The following SKAP2 variants were observed in gnomAD, a reference collection of about 807,000 sequenced individuals.
The protein encoded by SKAP2 is src kinase associated phosphoprotein 2.
SKAP2 carries 28 observed loss-of-function variants against 54.9 expected under a neutral mutation model. The ratio of observed to expected loss-of-function variants is 0.51; its 90% CI spans 0.38 to 0.70. The LOEUF is 0.70. Among genes scored for constraint, SKAP2 ranks in the 30% least tolerant of loss-of-function variants. The pLI is 0.00. For missense variants in SKAP2, 356 were observed against 424.1 expected, an observed-to-expected ratio of 0.84 and a Z score of 1.41; for synonymous variants, 137 against 134.3, an observed-to-expected ratio of 1.02 and a Z score of -0.14.
At chr7:26,705,794 C>T (rs773047952) in intron 9 of SKAP2, among the ~76,000 whole-genome samples, 2 of 152,156 alleles carry the variant, frequency 1.3e-5, no homozygotes, top group South Asian at 2.1e-4. Flanking sequence ...CAACTGACAA[C>T]GTACACTCAT....
At chr7:26,750,115 C>T (rs551506543) in intron 4 of SKAP2, among the ~76,000 whole-genome samples, 1 of 151,996 alleles carries the variant, frequency 6.6e-6, no homozygotes, top group Non-Finnish European at 1.5e-5. Flanking sequence ...TTCTGAAATG[C>T]TATGTTCCAC....
intron 4 of SKAP2, among the ~76,000 whole-genome samples, chr7:26,763,733 ACAT>A (rs1782983444): frequency 6.6e-6 from 1 of 152,156 alleles, no homozygotes; most frequent in African/African-American, 2.4e-5. Context: ...CATTGTATAA[ACAT>A]CATGACACGT....
intron 4 of SKAP2, among the ~76,000 whole-genome samples, chr7:26,795,138 T>C (rs1783747844): frequency 6.6e-6 from 1 of 152,260 alleles, no homozygotes; most frequent in Non-Finnish European, 1.5e-5. Flanking sequence ...AGAAATTCAC[T>C]GTTACTCTTG....
chr7:26,742,140 A>G (rs1326184552), intron 4 of SKAP2, among the ~76,000 whole-genome samples: 1 of 152,202 alleles, frequency 6.6e-6, no homozygotes, highest in Non-Finnish European at 1.5e-5. Context: ...AACAAAAATT[A>G]CAAACAGAAA....
intron 4 of SKAP2, among the ~76,000 whole-genome samples, chr7:26,790,970 CTTAAAG>C (rs1199548266): frequency 6.6e-6 from 1 of 151,992 alleles, no homozygotes; most frequent in East Asian, 1.9e-4. Flanking sequence ...AAATGTCTTC[CTTAAAG>C]AAATATATAT....
chr7:26,675,080 G>A (rs2128084636), intron 11 of SKAP2, among the ~76,000 whole-genome samples: 1 of 152,222 alleles, frequency 6.6e-6, no homozygotes, highest in South Asian at 2.1e-4. Flanking sequence ...CACTAATTCA[G>A]GCCTTCATCA....
chr7:26,791,872 C>T (rs1437818656), intron 4 of SKAP2, among the ~76,000 whole-genome samples: 1 of 152,088 alleles, frequency 6.6e-6, no homozygotes, highest in Non-Finnish European at 1.5e-5. Context: ...GAAAACATGG[C>T]CTTCAAAAAG....
intron 4 of SKAP2, among the ~76,000 whole-genome samples, chr7:26,741,491 A>G (rs933704230): frequency 2.7e-5 from 4 of 150,546 alleles, no homozygotes; most frequent in African/African-American, 9.7e-5. Context: ...GTGAGCCATG[A>G]TTGTGCCACT....
chr7:26,676,640 A>T (rs1786355102), intron 11 of SKAP2, among the ~76,000 whole-genome samples: 1 of 152,224 alleles, frequency 6.6e-6, no homozygotes, highest in Admixed American at 6.5e-5. Context: ...GTATTTTGGT[A>T]AAAGCATAGT....
At chr7:26,738,408 T>C (rs1259958193) in intron 6 of SKAP2, among the ~76,000 whole-genome samples, 1 of 152,210 alleles carries the variant, frequency 6.6e-6, no homozygotes, top group African/African-American at 2.4e-5. Context: ...TTTAATTTTA[T>C]CTAATTTTAT....
intron 1 of SKAP2, among the ~76,000 whole-genome samples, chr7:26,856,014 C>A (rs1785154480): frequency 6.6e-6 from 1 of 152,138 alleles, no homozygotes; most frequent in African/African-American, 2.4e-5. Flanking sequence ...ACTGTACTTA[C>A]AATTAACCAT....
chr7:26,759,632 A>G (rs1440814343), intron 4 of SKAP2, among the ~76,000 whole-genome samples: 1 of 152,172 alleles, frequency 6.6e-6, no homozygotes, highest in Admixed American at 6.5e-5. Flanking sequence ...TCAGAAACCC[A>G]AAGTTTACAA....
chr7:26,797,214 G>A (rs1396209982), intron 4 of SKAP2, among the ~76,000 whole-genome samples: 1 of 152,224 alleles, frequency 6.6e-6, no homozygotes, highest in African/African-American at 2.4e-5. Flanking sequence ...GCTAAAATAG[G>A]CAGTAGCCAT....
intron 4 of SKAP2, among the ~76,000 whole-genome samples, chr7:26,819,561 AAGTATACTT>A (rs1198203941): frequency 9.6e-4 from 92 of 95,386 alleles, no homozygotes; most frequent in Admixed American, 3.9e-3. Flanking sequence ...CCAGAACTTA[AAGTATACTT>A]AAAAAAAAAA....
At chr7:26,665,808 C>A (rs1310785783), downstream of SKAP2, among the ~76,000 whole-genome samples, 1 of 152,082 alleles carries the variant, frequency 6.6e-6, no homozygotes, top group African/African-American at 2.4e-5. Flanking sequence ...GCTGAGATGT[C>A]TAGAAATCTC....
At chr7:26,777,415 TA>T (rs1484153953) in intron 4 of SKAP2, among the ~76,000 whole-genome samples, 1 of 152,132 alleles carries the variant, frequency 6.6e-6, no homozygotes, top group African/African-American at 2.4e-5. Context: ...AATTTGCTAT[TA>T]AAAAAGTACA....
At chr7:26,770,575 C>T (rs766440548) in intron 4 of SKAP2, among the ~76,000 whole-genome samples, 7 of 152,170 alleles carry the variant, frequency 4.6e-5, no homozygotes, top group Admixed American at 6.5e-5. Flanking sequence ...AACCCAGGGC[C>T]CTGGTGGCAT....
intron 4 of SKAP2, among the ~76,000 whole-genome samples, chr7:26,810,745 G>C (rs978647835): frequency 6.6e-6 from 1 of 152,026 alleles, no homozygotes; most frequent in Non-Finnish European, 1.5e-5. Flanking sequence ...CCAGTGGTGC[G>C]ATCTCAGCTC....
At chr7:26,702,163 T>C (rs1261961598) in intron 9 of SKAP2, among the ~76,000 whole-genome samples, 1 of 152,220 alleles carries the variant, frequency 6.6e-6, no homozygotes, top group Non-Finnish European at 1.5e-5. Flanking sequence ...TTTTTGTTTT[T>C]TGTTTTTTTG....
Sources: gnomAD v4.1 joint callset for allele counts (sites outside exome capture counted in the v4.1 genomes callset) on GRCh38, gnomAD v4.1.1 for gene constraint, MANE v1.5 for transcripts, NCBI Gene and HGNC (gene_info 2026-07-23, HGNC 2026-07-21) for gene names.